ANO10: variants seen among roughly 807,000 people sequenced by gnomAD.
The protein encoded by ANO10 is anoctamin 10.
A neutral mutation model predicts 74.7 loss-of-function variants in ANO10; 77 were observed. The observed-to-expected ratio is 1.03, with a 90% CI of 0.86 to 1.25. The LOEUF (loss-of-function observed/expected upper bound fraction) is 1.25. Ranked by LOEUF, ANO10 falls within the 50% of genes most tolerant of loss-of-function variation. The pLI is 0.00. For missense variants in ANO10, 721 were observed against 778.1 expected (o/e 0.93, Z 0.87); for synonymous variants, 279 against 284.9 (o/e 0.98, Z 0.21).
intron 12 of ANO10, among the ~76,000 whole-genome samples, chr3:43,369,628 G>C (rs927549896): frequency 6.6e-6 from 1 of 152,186 alleles, no homozygotes; most frequent in African/African-American, 2.4e-5. Context: ...CCTCCACAGG[G>C]CAGTGGCAGA....
intron 1 of ANO10, among the ~76,000 whole-genome samples, chr3:43,684,916 C>T (rs1366485831): frequency 1.3e-5 from 2 of 152,114 alleles, no homozygotes; most frequent in Non-Finnish European, 2.9e-5. Context: ...GAACATCACA[C>T]ACCGGGGCCT....
At chr3:43,561,504 A>C (rs1203437646) in intron 8 of ANO10, 102 bp from the exon 9 acceptor site, 2 of 1,050,218 alleles carry the variant, frequency 1.9e-6, no homozygotes, top group Non-Finnish European at 2.8e-6. Flanking sequence ...TTATAGCATA[A>C]ATACAATTAT....
At chr3:43,427,474 T>C (rs2092915919) in intron 12 of ANO10, among the ~76,000 whole-genome samples, 1 of 152,210 alleles carries the variant, frequency 6.6e-6, no homozygotes, top group African/African-American at 2.4e-5. Context: ...ATTTTGCCCA[T>C]AAAATGAGAC....
chr3:43,429,849 A>G (rs1437784933), intron 12 of ANO10, among the ~76,000 whole-genome samples: 1 of 152,164 alleles, frequency 6.6e-6, no homozygotes, highest in Admixed American at 6.5e-5. Context: ...TTGCTAATAA[A>G]AATGTTTCAA....
intron 11 of ANO10, chr3:43,485,173 T>C (rs888681054): frequency 4.2e-6 from 3 of 719,650 alleles, no homozygotes; most frequent in African/African-American, 1.7e-5. Context: ...TAGCACTGGG[T>C]GACAGCGCCT....
chr3:43,413,339 C>A (rs1383853170), intron 12 of ANO10, among the ~76,000 whole-genome samples: 1 of 152,074 alleles, frequency 6.6e-6, no homozygotes, highest in Non-Finnish European at 1.5e-5. Flanking sequence ...GAATTGTAAT[C>A]CTGGTGGGGG....
intron 12 of ANO10, among the ~76,000 whole-genome samples, chr3:43,387,408 G>A (rs1024085315): frequency 5.9e-5 from 9 of 152,142 alleles, no homozygotes; most frequent in East Asian, 1.9e-4. Context: ...GGTGCTGGGC[G>A]GCAGGGAGAG....
chr3:43,551,478 A>AACC (rs1358213844), intron 10 of ANO10: 1 of 456,736 alleles, frequency 2.2e-6, no homozygotes, highest in Non-Finnish European at 4.4e-6. Context: ...TTACCTGTGA[A>AACC]ACCACCACCA....
intron 11 of ANO10, among the ~76,000 whole-genome samples, chr3:43,508,304 A>G (rs1243894098): frequency 6.6e-6 from 1 of 152,208 alleles, no homozygotes; most frequent in Non-Finnish European, 1.5e-5. Flanking sequence ...CCTAGGATAC[A>G]GAAATATTTT....
At chr3:43,432,757 TGATAC>T in intron 11 of ANO10, 30 bp from the exon 12 acceptor site, 1 of 1,382,354 alleles carries the variant, frequency 7.2e-7, no homozygotes, top group South Asian at 1.2e-5. Context: ...CATGTTGATG[TGATAC>T]ATCAGACCAT....
chr3:43,512,646 T>C (rs1271169000), intron 11 of ANO10, among the ~76,000 whole-genome samples: 2 of 152,154 alleles, frequency 1.3e-5, no homozygotes, highest in Non-Finnish European at 1.5e-5. Flanking sequence ...CCAAAGTTTC[T>C]GGCCTTAGCA....
chr3:43,613,037 A>G (rs1478443453), intron 1 of ANO10, among the ~76,000 whole-genome samples: 1 of 152,074 alleles, frequency 6.6e-6, no homozygotes, highest in African/African-American at 2.4e-5. Context: ...GCGTGGTGGC[A>G]CACGCCTGTA....
Position 43,380,026 on chromosome 3 carries a change from C to T in ANO10, c.1915-13052G>A, listed in dbSNP as rs1028839984. 7.9e-5 allele frequency among the ~76,000 whole-genome samples: 12 copies of T among 152,226 alleles called. 1 individual carries two copies. The highest frequency in any genetic ancestry group is 3.9e-4 in the East Asian group (2 of 5,178). ...ACAACTTCTGGAAATTAAGGATGCA[C>T]TTAGAGAACTGCAAAATGCACTGGA... On this transcript the variant is annotated intron_variant, in intron 12 of 12. Coordinates refer to ENST00000292246, the MANE Select transcript of ANO10 (RefSeq NM_018075.5).
Position 43,562,455 on chromosome 3 carries a change from C to CA in ANO10, c.1294-1054dup, listed in dbSNP as rs1169816392. 3.1e-3 allele frequency among the ~76,000 whole-genome samples: 219 copies of CA among 69,956 alleles called. 8 individuals carry two copies. Among genetic ancestry groups the CA allele is most frequent in the Middle Eastern group, 0.013 (1 of 76 alleles). 45.9% of individuals were successfully genotyped at this position (69,956 alleles called of 152,430 possible). On this transcript the variant is annotated intron_variant, in intron 8 of 12. Transcript: ENST00000292246. ...CGGCAGAACGAGGCTCTGTCTCAAA[C>CA]AAAAAAAAAAAAAAAAGAAGTTTGA...
chr3:43,515,178 T>C (rs866171015), intron 11 of ANO10, among the ~76,000 whole-genome samples: 1 of 152,192 alleles, frequency 6.6e-6, no homozygotes, highest in Non-Finnish European at 1.5e-5. Context: ...GACTGAGCCA[T>C]GGGTGCCAGG....
intron 11 of ANO10, among the ~76,000 whole-genome samples, chr3:43,506,648 C>T (rs1559625767): frequency 6.6e-6 from 1 of 152,176 alleles, no homozygotes; most frequent in African/African-American, 2.4e-5. Flanking sequence ...TTTGCTGTTC[C>T]TTAATAGCCC....
intron 1 of ANO10, among the ~76,000 whole-genome samples, chr3:43,651,990 T>C (rs1002028560): frequency 1.3e-5 from 2 of 152,200 alleles, no homozygotes; most frequent in Non-Finnish European, 1.5e-5. Context: ...AGTTCCTTTT[T>C]AAAGAAGATC....
chr3:43,621,533 G>A (rs534668311), intron 1 of ANO10, among the ~76,000 whole-genome samples: 64 of 152,042 alleles, frequency 4.2e-4, no homozygotes, highest in African/African-American at 1.5e-3. Context: ...CCCACTCACT[G>A]CCTCCTTCCC....
chr3:43,554,890 A>T (rs777053336), intron 10 of ANO10, among the ~76,000 whole-genome samples: 1 of 152,120 alleles, frequency 6.6e-6, no homozygotes, highest in African/African-American at 2.4e-5. Flanking sequence ...GCAAAAACTA[A>T]AAAAGGAGTC....
Sources: allele counts gnomAD v4.1 joint callset (sites outside exome capture counted in the v4.1 genomes callset), GRCh38; gene constraint gnomAD v4.1.1; transcripts MANE v1.5; gene names NCBI Gene and HGNC (gene_info 2026-07-23, HGNC 2026-07-21).